Variants in INTU observed in about 807,000 individuals in gnomAD.
INTU encodes protein inturned.
INTU carries 68 observed loss-of-function variants against 100.5 expected under a neutral mutation model. The observed-to-expected ratio is 0.68, with a 90% CI of 0.56 to 0.83. The LOEUF is 0.83. Among genes scored for constraint, INTU ranks in the 40% least tolerant of loss-of-function variants. INTU has a pLI of 0.00. For synonymous variants in INTU, 357 were observed against 395.7 expected (o/e 0.90, Z 1.16); for missense variants, 1,071 against 1,114.7 (o/e 0.96, Z 0.56).
At chr4:127,699,346 T>C (rs1328723445) in intron 8 of INTU, 1 of 152,208 alleles carries the variant, frequency 6.6e-6, no homozygotes, top group Non-Finnish European at 1.5e-5. Context: ...GTTCAGGCAA[T>C]TTCCATAGAA....
chr4:127,706,473 T>C lies in INTU; in HGVS notation c.1789-14T>C, dbSNP rs749344043. The C allele has an allele frequency of 9.5e-6, 15 of 1,581,600 alleles. No individual in the cohort carries two copies. Among genetic ancestry groups the C allele is most frequent in the Non-Finnish European group, 1.0e-5 (12 of 1,163,492 alleles). ...TGGTAGCTAAACCTACATTTGTAATTTTTTTCCCTATAGAAACATTATATG... is the reference window on the plus strand; with the variant it reads ...TGGTAGCTAAACCTACATTTGTAATCTTTTTCCCTATAGAAACATTATATG... On this transcript the variant is annotated splice_polypyrimidine_tract_variant and intron_variant, in intron 11 of 15. Transcript: ENST00000335251.
intron 6 of INTU, among the ~76,000 whole-genome samples, chr4:127,683,636 A>C (rs114157950): frequency 6.6e-6 from 1 of 152,272 alleles, no homozygotes; most frequent in East Asian, 1.9e-4. Context: ...GGTGGGGCAC[A>C]TGATCGAGGG....
At chr4:127,693,485 G>C (rs566034827) in intron 8 of INTU, among the ~76,000 whole-genome samples, 13 of 152,000 alleles carry the variant, frequency 8.6e-5, no homozygotes, top group African/African-American at 2.9e-4. Flanking sequence ...GAGTCTTTAG[G>C]GTTTTCTAGG....
chr4:127,715,525 C>G (rs1057089923), intron 15 of INTU, among the ~76,000 whole-genome samples: 21 of 152,098 alleles, frequency 1.4e-4, no homozygotes, highest in Admixed American at 4.6e-4. Context: ...TTAGTAAGCT[C>G]CTTTGTGATT....
At chr4:127,701,687 T>G (rs1254788879) in intron 9 of INTU, among the ~76,000 whole-genome samples, 2 of 151,806 alleles carry the variant, frequency 1.3e-5, no homozygotes, top group African/African-American at 2.4e-5. Context: ...CATGGACTGG[T>G]CATAGTTAAA....
At chr4:127,651,050 C>A (rs1373815708) in intron 2 of INTU, among the ~76,000 whole-genome samples, 1 of 152,116 alleles carries the variant, frequency 6.6e-6, no homozygotes, top group Non-Finnish European at 1.5e-5. Flanking sequence ...CCTTCTCCCA[C>A]TTTTTGATGG....
intron 13 of INTU, among the ~76,000 whole-genome samples, chr4:127,709,862 T>C (rs1731030378): frequency 6.6e-6 from 1 of 152,218 alleles, no homozygotes; most frequent in Non-Finnish European, 1.5e-5. Context: ...ACAAAGTAAC[T>C]TGTCTGCATA....
At chr4:127,662,976 CTTCT>C (rs1728537323) in intron 3 of INTU, among the ~76,000 whole-genome samples, 1 of 152,096 alleles carries the variant, frequency 6.6e-6, no homozygotes, top group African/African-American at 2.4e-5. Context: ...GAATGTCTTC[CTTCT>C]ATCTTCCCAG....
rs144521891 is a variant in INTU, at chr4:127,647,703, G to C, written c.682+3647G>C. Among the ~76,000 whole-genome samples the C allele has an allele frequency of 2.1e-3, 312 of 152,062 alleles. 1 individual carries two copies. The highest frequency in any genetic ancestry group is 3.5e-3 in the Non-Finnish European group (238 of 67,998). On this transcript the variant is annotated intron_variant, in intron 2 of 15. Coordinates refer to ENST00000335251, the MANE Select transcript of INTU (RefSeq NM_015693.4). ...ATGAGTTTTTTTTCTTTTTGTGATAGTAATAATATACGTTCATTGTAGACA... is the reference window on the plus strand; with the variant it reads ...ATGAGTTTTTTTTCTTTTTGTGATACTAATAATATACGTTCATTGTAGACA...
chr4:127,676,173 C>T (rs759840808), intron 6 of INTU: 2 of 154,118 alleles, frequency 1.3e-5, no homozygotes, highest in East Asian at 3.7e-4. Context: ...GATGAGGGCA[C>T]TCTTTAACCA....
intron 15 of INTU, 119 bp from the exon 16 acceptor site, chr4:127,716,206 A>G (rs1247599813): frequency 9.6e-6 from 5 of 519,726 alleles, no homozygotes; most frequent in African/African-American, 7.7e-5. Context: ...ATTTAGATTC[A>G]TGGATTTTAA....
intron 8 of INTU, among the ~76,000 whole-genome samples, chr4:127,693,932 T>C (rs1730268125): frequency 6.6e-6 from 1 of 152,166 alleles, no homozygotes; most frequent in Admixed American, 6.6e-5. Context: ...CACTTGATCA[T>C]GGTGGATTAT....
chr4:127,678,417 A>G (rs1729342796), intron 6 of INTU, among the ~76,000 whole-genome samples: 1 of 152,248 alleles, frequency 6.6e-6, no homozygotes, highest in Admixed American at 6.5e-5. Flanking sequence ...CAGAAACCCT[A>G]CAAGCCAGAA....
chr4:127,679,872 A>G (rs1729434694), intron 6 of INTU, among the ~76,000 whole-genome samples: 1 of 152,168 alleles, frequency 6.6e-6, no homozygotes. Context: ...CTAATAAAGA[A>G]TAAAAGAGAG....
At chr4:127,651,538 G>A (rs1390128008) in intron 2 of INTU, among the ~76,000 whole-genome samples, 2 of 152,142 alleles carry the variant, frequency 1.3e-5, no homozygotes, top group Non-Finnish European at 2.9e-5. Flanking sequence ...TAGATAAGCG[G>A]CGTTATTTCT....
At position 127,717,946 on chromosome 4, in the gene INTU, A is replaced by G. The variant is rs1308527814; in HGVS notation, c.*1510A>G. ...CTCCCACTCTGTAGGTTGCCTGTTC[A>G]CTCTGATGATAGTTTCTTTTGCTGT... is the stretch of plus-strand genomic sequence containing the variant. On this transcript the variant is annotated 3_prime_UTR_variant, in exon 16 of 16. Coordinates refer to ENST00000335251, the MANE Select transcript of INTU (RefSeq NM_015693.4). 6.6e-6 allele frequency: 1 copy of G among 151,916 alleles called. No homozygotes were observed. Among genetic ancestry groups the G allele is most frequent in the Non-Finnish European group, 1.5e-5 (1 of 67,980 alleles). The allele number at this position is 151,916 out of a possible 1,614,324, so 9.4% of individuals were successfully genotyped here.
chr4:127,649,700 T>C (rs562853138), intron 2 of INTU, among the ~76,000 whole-genome samples: 1 of 152,312 alleles, frequency 6.6e-6, no homozygotes, highest in African/African-American at 2.4e-5. Context: ...ATGTTTATTA[T>C]CCATCTTCCC....
Position 127,640,542 on chromosome 4 carries a change from CATATATATATATATATATATATAT to C in INTU, c.147-2953_147-2930del, listed in dbSNP as rs869116277. On this transcript the variant is annotated intron_variant, in intron 1 of 15. Transcript: ENST00000335251. Reference sequence around the variant, plus strand: ...TGGTATAGTCTTTTGGGTAAAGATACATATATATATATATATATATATATATATATATATATATATATATATATA... The same window carrying C: ...TGGTATAGTCTTTTGGGTAAAGATACATATATATATATATATATATATATA... Among the ~76,000 whole-genome samples the C allele has an allele frequency of 8.8e-4, 47 of 53,638 alleles. 3 individuals carry two copies. The highest frequency in any genetic ancestry group is 0.014 in the Middle Eastern group (1 of 70). 35.2% of individuals were successfully genotyped at this position (53,638 alleles called of 152,430 possible).
At chr4:127,651,159 T>G (rs1302950772) in intron 2 of INTU, among the ~76,000 whole-genome samples, 5 of 152,024 alleles carry the variant, frequency 3.3e-5, no homozygotes, top group Admixed American at 1.3e-4. Context: ...TTTCTCCCAT[T>G]TTGTAGGTTG....
Sources: gnomAD v4.1 joint callset for allele counts (sites outside exome capture counted in the v4.1 genomes callset) on GRCh38, gnomAD v4.1.1 for gene constraint, MANE v1.5 for transcripts, NCBI Gene and HGNC (gene_info 2026-07-23, HGNC 2026-07-21) for gene names.